The following CENPN variants were observed in gnomAD, a reference collection of about 807,000 sequenced individuals.
The protein encoded by CENPN is centromere protein N, also known as interphase centromere complex protein 32.
CENPN carries 36 observed loss-of-function variants against 48.6 expected under a neutral mutation model. That is an observed-to-expected ratio of 0.74 (90% CI 0.57 to 0.98). The LOEUF (loss-of-function observed/expected upper bound fraction) is 0.98, where lower values mean the gene tolerates loss of function less well. Among genes scored for constraint, CENPN ranks in the 50% least tolerant of loss-of-function variants. The pLI, the probability that CENPN is intolerant of heterozygous loss-of-function variation, is 0.00. For synonymous variants in CENPN, 166 were observed against 135.2 expected (o/e 1.23, Z -1.58); for missense variants, 439 against 399.2 (o/e 1.10, Z -0.85).
In CENPN at chr16:81,017,381, A is replaced by T; in HGVS notation, c.273A>T (p.Gly91=). ...KVWEVFQMSK[G]PGEDVDLFDM... ...GGGAAGTTTTTCAGATGAGTAAAGG[A>T]CCAGGTAATATTTTCTGTTTACAAT... is the stretch of plus-strand genomic sequence containing the variant. Residue 91 remains glycine (G), a synonymous_variant, in exon 4 of 11, where the codon GGA becomes GGT. Transcript: ENST00000305850. 2 of 1,576,628 alleles carry T rather than the reference A, an allele frequency of 1.3e-6. No individual in the cohort carries two copies. The highest frequency in any genetic ancestry group is 1.7e-6 in the Non-Finnish European group (2 of 1,146,792).
rs762312389 is a variant in CENPN, at chr16:81,028,760, C to A, written c.*109C>A. On this transcript the variant is annotated 3_prime_UTR_variant, in exon 11 of 11. Transcript: ENST00000305850. ...TCTGTAAACTTGTATTTTCAAGAAT[C>A]CTTGGTATTGAATTTTTAGAAATGC... 23 of 1,473,070 alleles carry A rather than the reference C, an allele frequency of 1.6e-5. No individual in the cohort carries two copies. Among genetic ancestry groups the A allele is most frequent in the African/African-American group, 8.7e-5 (6 of 69,320 alleles). 91.2% of individuals were successfully genotyped at this position (1,473,070 alleles called of 1,614,324 possible).
At position 81,017,800 on chromosome 16, in the gene CENPN, C is replaced by G. The variant is rs528102999; in HGVS notation, c.320C>G (p.Ser107Trp). The stretch of plus-strand genomic sequence containing the variant: ...TTTGATATGAAACAATTTAAAAATT[C>G]GTTCAAGAAAATTCTTCAGAGAGCA... Reference protein sequence around the residue: ...DLFDMKQFKNSFKKILQRALK... With the variant: ...DLFDMKQFKNWFKKILQRALK... Residue 107 changes from serine (S) to tryptophan (W), a missense_variant, in exon 5 of 11, where the codon TCG becomes TGG. By Grantham distance (177) the Ser-to-Trp change is radical. Transcript: ENST00000305850. The G allele has an allele frequency of 1.3e-6, 2 of 1,579,230 alleles. No individual in the cohort carries two copies. The highest frequency in any genetic ancestry group is 1.7e-6 in the Non-Finnish European group (2 of 1,165,358).
At chr16:81,011,547 C>T (rs180754581) in intron 1 of CENPN, among the ~76,000 whole-genome samples, 134 of 152,308 alleles carry the variant, frequency 8.8e-4, no homozygotes, top group Non-Finnish European at 1.5e-3. Context: ...CATCAAAATA[C>T]TCTAGCCAGA....
intron 8 of CENPN, among the ~76,000 whole-genome samples, chr16:81,025,729 G>T (rs1232055621): frequency 1.6e-5 from 2 of 126,234 alleles, no homozygotes; most frequent in Admixed American, 8.6e-5. Context: ...TTAAGACAGA[G>T]TCTCACTCTA....
Position 81,030,746 on chromosome 16 carries a change from C to T in CENPN, c.*2095C>T, listed in dbSNP as rs1461287520. ...CCTGGGTGACAGAGTGAAACTCTGCCTCAAAAAATAAAATAAAGGCCAGGC... is the reference window on the plus strand; with the variant it reads ...CCTGGGTGACAGAGTGAAACTCTGCTTCAAAAAATAAAATAAAGGCCAGGC... On this transcript the variant is annotated 3_prime_UTR_variant, in exon 11 of 11. Coordinates refer to ENST00000305850, the MANE Select transcript of CENPN (RefSeq NM_001100624.3). The T allele has an allele frequency of 1.3e-5, 2 of 150,252 alleles. No homozygotes were observed. Among genetic ancestry groups the T allele is most frequent in the East Asian group, 4.0e-4 (2 of 5,012 alleles). 9.3% of individuals were successfully genotyped at this position (150,252 alleles called of 1,614,324 possible). A position where few individuals can be genotyped will look rare whatever the true frequency, so the allele number is the denominator to read the frequency against.
In CENPN at chr16:81,030,376, C is replaced by A; in HGVS notation, c.*1725C>A. The A allele has an allele frequency of 7.1e-6, 7 of 985,118 alleles. No individual in the cohort carries two copies. The highest frequency in any genetic ancestry group is 7.2e-6 in the Non-Finnish European group (6 of 829,772). The allele number at this position is 985,118 out of a possible 1,614,324, so 61.0% of individuals were successfully genotyped here. A position where few individuals can be genotyped will look rare whatever the true frequency, so the allele number is the denominator to read the frequency against. ...CAGGAGGTTTCTCCTAGTGTACTCTCACACTTCTGATACCAGATATGTGGG... is the reference window on the plus strand; with the variant it reads ...CAGGAGGTTTCTCCTAGTGTACTCTAACACTTCTGATACCAGATATGTGGG... On this transcript the variant is annotated 3_prime_UTR_variant, in exon 11 of 11. Transcript: ENST00000305850.
Position 81,017,333 on chromosome 16 carries a change from A to G in CENPN, c.225A>G (p.Gln75=), listed in dbSNP as rs117418344. Residue 75 remains glutamine, a synonymous_variant, in exon 4 of 11, where the codon CAA becomes CAG. Transcript: ENST00000305850. ...CTTTCTTCCCTCTCTCAGATATGCA[A>G]TTTCATCAGCACCAGAAAGTTTGGG... The part of the protein sequence containing the change: ...DAALLDIIYM[Q]FHQHQKVWEV... 3,374 of 1,596,154 alleles carry G rather than the reference A, an allele frequency of 2.1e-3. 97 individuals carry two copies. In the East Asian group the frequency reaches 0.06, roughly 28 times the overall value.
chr16:81,032,343 A>G (rs1314141204), downstream of CENPN, among the ~76,000 whole-genome samples: 2 of 151,586 alleles, frequency 1.3e-5, no homozygotes, highest in Non-Finnish European at 2.9e-5. Flanking sequence ...TGGTCCATTT[A>G]CTCTCCCTTA....
intron 2 of CENPN, 106 bp downstream of exon 2, chr16:81,012,216 C>T (rs1969771373): frequency 4.1e-6 from 4 of 981,546 alleles, no homozygotes; most frequent in Non-Finnish European, 4.5e-6. Context: ...TGCTAAACTA[C>T]TAGTGAAGTG....
chr16:81,020,586 T>A (rs1970142392), intron 6 of CENPN: 1 of 224,486 alleles, frequency 4.5e-6, no homozygotes, highest in Non-Finnish European at 8.6e-6. Context: ...TATCTGCAGA[T>A]GGGAACATGG....
downstream of CENPN, chr16:81,032,557 T>G (rs543731261): frequency 8.3e-5 from 130 of 1,557,874 alleles, no homozygotes; most frequent in African/African-American, 1.1e-3. Context: ...TTTCAGTGTT[T>G]TTTTTTTTTT....
chr16:81,026,079 G>GTGTC (rs1970459560), intron 8 of CENPN, among the ~76,000 whole-genome samples: 2 of 147,224 alleles, frequency 1.4e-5, no homozygotes, highest in Non-Finnish European at 3.0e-5. Flanking sequence ...ATGTGTGTGT[G>GTGTC]TGTGTGTGTG....
chr16:81,016,408 G>C (rs1231324143), intron 3 of CENPN, among the ~76,000 whole-genome samples: 1 of 152,232 alleles, frequency 6.6e-6, no homozygotes, highest in Non-Finnish European at 1.5e-5. Context: ...ACAGTGAACA[G>C]GTCCCTCATT....
intron 2 of CENPN, among the ~76,000 whole-genome samples, chr16:81,012,422 A>C (rs962870765): frequency 6.6e-6 from 1 of 152,212 alleles, no homozygotes; most frequent in Non-Finnish European, 1.5e-5. Flanking sequence ...AAAGACAACA[A>C]CACCCAGATG....
rs149482995 is a variant in CENPN at position 81,009,757 on chromosome 16, T to A, written c.-10-2173T>A. On this transcript the variant is annotated intron_variant, in intron 1 of 10. Transcript: ENST00000305850. ...GGACTCTTGTAGGAAGATACTTCTT[T>A]GTCCCTGGAATTCCCACAGTTGTGA... Among the ~76,000 whole-genome samples the A allele has an allele frequency of 1.5e-3, 224 of 152,362 alleles. 1 individual carries two copies. Among genetic ancestry groups the A allele is most frequent in the African/African-American group, 5.2e-3 (218 of 41,574 alleles).
At chr16:81,019,751 C>G (rs1451191399) in intron 5 of CENPN, among the ~76,000 whole-genome samples, 1 of 151,658 alleles carries the variant, frequency 6.6e-6, no homozygotes, top group Admixed American at 6.6e-5. Flanking sequence ...TGGCACGTGC[C>G]TGTGGTCTCA....
rs1597304399 is a variant in CENPN, at chr16:81,010,135, T to C, written c.-10-1795T>C. On this transcript the variant is annotated intron_variant, in intron 1 of 10. Coordinates refer to ENST00000305850, the MANE Select transcript of CENPN (RefSeq NM_001100624.3). ...AATCACTTGAACCAGGCAGGGGAGGTTGCAGTGAGCCGAGGTTGCACCACT... is the reference window on the plus strand; with the variant it reads ...AATCACTTGAACCAGGCAGGGGAGGCTGCAGTGAGCCGAGGTTGCACCACT... Among the ~76,000 whole-genome samples, 3 of 151,954 alleles carry C rather than the reference T, an allele frequency of 2.0e-5. No homozygotes were observed. The South Asian group carries it at 6.2e-4, about 32-fold the overall frequency.
intron 1 of CENPN, among the ~76,000 whole-genome samples, chr16:81,008,424 G>A (rs898695411): frequency 1.3e-5 from 2 of 151,780 alleles, no homozygotes; most frequent in African/African-American, 4.8e-5. Context: ...CATGTTGGAG[G>A]GCAGTGGCAC....
At chr16:81,014,041 TA>T in intron 2 of CENPN, 94 bp from the exon 3 acceptor site, 2 of 921,878 alleles carry the variant, frequency 2.2e-6, no homozygotes, top group Non-Finnish European at 3.5e-6. Flanking sequence ...GAGAATGTGC[TA>T]ATAGTCTGTT....
Sources: gnomAD v4.1 joint callset for allele counts (sites outside exome capture counted in the v4.1 genomes callset) on GRCh38, gnomAD v4.1.1 for gene constraint, MANE v1.5 for transcripts, NCBI Gene and HGNC (gene_info 2026-07-23, HGNC 2026-07-21) for gene names.